Variants in TLE3 observed in about 807,000 individuals in gnomAD.
TLE3 encodes the protein transducin-like enhancer protein 3.
In TLE3, 14 loss-of-function variants were observed where a neutral mutation model predicts 93.0. The ratio of observed to expected loss-of-function variants is 0.15; its 90% CI spans 0.10 to 0.24. TLE3 has a LOEUF of 0.24. Ranked by LOEUF, TLE3 falls within the 10% of genes least tolerant of loss-of-function variation. TLE3 has a pLI of 1.00. For missense variants in TLE3, 693 were observed against 1,046.6 expected, an observed-to-expected ratio of 0.66 and a Z score of 4.66; for synonymous variants, 451 against 425.0, an observed-to-expected ratio of 1.06 and a Z score of -0.75.
chr15:70,085,046 T>C (rs906023538), intron 4 of TLE3, among the ~76,000 whole-genome samples: 2 of 152,228 alleles, frequency 1.3e-5, no homozygotes, highest in Non-Finnish European at 2.9e-5. Flanking sequence ...GCAGTAGCCA[T>C]ATTTCAAGTG....
At chr15:70,070,596 C>T (rs1342781504) in intron 6 of TLE3, among the ~76,000 whole-genome samples, 4 of 152,216 alleles carry the variant, frequency 2.6e-5, no homozygotes, top group Non-Finnish European at 4.4e-5. Flanking sequence ...ACGCATTGAG[C>T]TTCTGGGGTT....
At chr15:70,094,695 A>T in intron 3 of TLE3, 119 bp from the exon 4 acceptor site, 2 of 771,874 alleles carry the variant, frequency 2.6e-6, no homozygotes, top group Admixed American at 2.9e-5. Context: ...TTTGCTAAAG[A>T]AGTTTAAATC....
intron 8 of TLE3, among the ~76,000 whole-genome samples, chr15:70,063,404 T>C (rs184126341): frequency 1.3e-5 from 2 of 152,212 alleles, no homozygotes; most frequent in Admixed American, 6.5e-5. Flanking sequence ...AATGTGGTCC[T>C]GGATTTCTGA....
intron 2 of TLE3, 138 bp from the exon 3 acceptor site, chr15:70,095,779 G>T: frequency 9.6e-7 from 1 of 1,044,026 alleles, no homozygotes; most frequent in Non-Finnish European, 1.4e-6. Flanking sequence ...CACAGCCTGG[G>T]GACGCGGGGG....
chr15:70,083,813 T>C (rs988468063), intron 4 of TLE3, among the ~76,000 whole-genome samples: 2 of 151,968 alleles, frequency 1.3e-5, no homozygotes, highest in African/African-American at 4.8e-5. Flanking sequence ...GGCTAGGACT[T>C]CTTAAGGGCA....
chr15:70,055,598 C>G, intron 14 of TLE3: 1 of 324,022 alleles, frequency 3.1e-6, no homozygotes, highest in East Asian at 5.1e-5. Context: ...CCCCAACATG[C>G]CAACCCTGGA....
chr15:70,076,044 C>A (rs2057425801), intron 5 of TLE3, 52 bp downstream of exon 5: 1 of 1,565,314 alleles, frequency 6.4e-7, no homozygotes, highest in African/African-American at 1.4e-5. Flanking sequence ...ACCCCACCAG[C>A]CACTGGGCTG....
chr15:70,086,223 G>A (rs1025498820), intron 4 of TLE3, among the ~76,000 whole-genome samples: 69 of 152,144 alleles, frequency 4.5e-4, no homozygotes, highest in Admixed American at 1.3e-3. Flanking sequence ...AGCTAGAATG[G>A]ACTCCCATCC....
chr15:70,057,501 T>TGCA lies in TLE3; in HGVS notation c.1206_1208dup (p.Ala406dup). 6.2e-7 allele frequency: 1 copy of TGCA among 1,609,130 alleles called. No individual in the cohort carries two copies. The highest frequency in any genetic ancestry group is 8.5e-7 in the Non-Finnish European group (1 of 1,178,048). On this transcript the variant is annotated inframe_insertion, in exon 13 of 20. Transcript: ENST00000451782. ...TTGGCGATCGGCCATAGGCAGCGGC[T>TGCA]GCAGCAGCGGCGGCGGCGCTCATCT...
chr15:70,065,969 G>GCCCACCCCATCCCCCCCCCCCC, intron 7 of TLE3, 45 bp downstream of exon 7: 1 of 1,294,406 alleles, frequency 7.7e-7, no homozygotes. Flanking sequence ...GAGCGCCCAT[G>GCCCACCCCATCCCCCCCCCCCC]CCCACCCCTG....
In TLE3 at chr15:70,080,317, G is replaced by A. The variant is rs541638053; in HGVS notation, c.235-4159C>T. 1.1e-4 allele frequency among the ~76,000 whole-genome samples: 16 copies of A among 152,292 alleles called. No homozygotes were observed. The Middle Eastern group carries it at 0.01, about 97-fold the overall frequency. On this transcript the variant is annotated intron_variant, in intron 4 of 19. Coordinates refer to ENST00000451782, the MANE Select transcript of TLE3 (RefSeq NM_001105192.3). The stretch of plus-strand genomic sequence containing the variant: ...GGGAGGTGGGAAGATGGCTCCCTTT[G>A]GAAAGCACTTTGGAAAAGGTGTTCA...
intron 12 of TLE3, chr15:70,057,861 G>A: frequency 1.3e-6 from 1 of 741,102 alleles, no homozygotes; most frequent in Non-Finnish European, 2.2e-6. Context: ...TCTTTTTACA[G>A]AGCAGGATAT....
At chr15:70,071,215 T>TA (rs1470194319) in intron 6 of TLE3, among the ~76,000 whole-genome samples, 1 of 152,190 alleles carries the variant, frequency 6.6e-6, no homozygotes, top group Admixed American at 6.5e-5. Flanking sequence ...CTTGTCCTTC[T>TA]AAAGCCCCTC....
intron 4 of TLE3, chr15:70,079,241 AC>A (rs1171213723): frequency 6.7e-5 from 25 of 375,454 alleles, no homozygotes; most frequent in Non-Finnish European, 9.5e-5. Flanking sequence ...CAGATGCAGA[AC>A]CTTCCACAAG....
chr15:70,089,009 C>G (rs1379841768), intron 4 of TLE3, among the ~76,000 whole-genome samples: 1 of 152,184 alleles, frequency 6.6e-6, no homozygotes, highest in African/African-American at 2.4e-5. Flanking sequence ...GGAGATCGCT[C>G]TGCTGCAAAA....
At chr15:70,093,798 ACAC>A (rs2058420030) in intron 4 of TLE3, among the ~76,000 whole-genome samples, 1 of 152,220 alleles carries the variant, frequency 6.6e-6, no homozygotes, top group Non-Finnish European at 1.5e-5. Flanking sequence ...CCATCAAACG[ACAC>A]CACACTAGCT....
At chr15:70,091,894 G>A (rs1223773338) in intron 4 of TLE3, among the ~76,000 whole-genome samples, 5 of 152,154 alleles carry the variant, frequency 3.3e-5, no homozygotes, top group Non-Finnish European at 5.9e-5. Flanking sequence ...GTGTATGCGC[G>A]CAGGCTGAGG....
chr15:70,056,453 G>A (rs1052273570), intron 13 of TLE3, 79 bp from the exon 14 acceptor site: 18 of 1,383,712 alleles, frequency 1.3e-5, no homozygotes, highest in African/African-American at 1.3e-4. Context: ...CCACCCACCC[G>A]GGGTCCTACC....
intron 8 of TLE3, among the ~76,000 whole-genome samples, chr15:70,062,244 A>C (rs1191314001): frequency 6.6e-6 from 1 of 152,212 alleles, no homozygotes; most frequent in African/African-American, 2.4e-5. Flanking sequence ...GCACAGCCAC[A>C]ATTCAATTAG....
Sources: gnomAD v4.1 joint callset for allele counts (sites outside exome capture counted in the v4.1 genomes callset) on GRCh38, gnomAD v4.1.1 for gene constraint, MANE v1.5 for transcripts, NCBI Gene and HGNC (gene_info 2026-07-23, HGNC 2026-07-21) for gene names.